Variants in UGGT2 observed in about 807,000 individuals in gnomAD.
UGGT2 encodes UDP-glucose:glycoprotein glucosyltransferase 2.
Under a neutral mutation model 192.1 loss-of-function variants are expected in UGGT2, and 180 were observed. The ratio of observed to expected loss-of-function variants is 0.94; its 90% confidence interval spans 0.83 to 1.06. The LOEUF (loss-of-function observed/expected upper bound fraction) is 1.06, where lower values mean the gene tolerates loss of function less well. UGGT2 is among the 50% of genes least tolerant of loss of function. UGGT2 has a pLI of 0.00. For synonymous variants in UGGT2, 580 were observed against 591.0 expected (o/e 0.98, Z 0.27); for missense variants, 1,849 against 1,795.7 (o/e 1.03, Z -0.54).
At chr13:95,924,049 C>CCAAAATTATTTGG (rs2048935292) in intron 20 of UGGT2, among the ~76,000 whole-genome samples, 2 of 152,120 alleles carry the variant, frequency 1.3e-5, no homozygotes, top group Non-Finnish European at 2.9e-5. Flanking sequence ...CAACAGATAG[C>CCAAAATTATTTGG]ATTTTGGGAT....
chr13:95,969,329 TCTA>T (rs1302531823), intron 12 of UGGT2, among the ~76,000 whole-genome samples: 1 of 152,182 alleles, frequency 6.6e-6, no homozygotes, highest in African/African-American at 2.4e-5. Context: ...ATCATTTTGC[TCTA>T]CTAAGCCATA....
chr13:95,867,875 T>A (rs1297848601), intron 29 of UGGT2, among the ~76,000 whole-genome samples: 1 of 152,204 alleles, frequency 6.6e-6, no homozygotes, highest in Non-Finnish European at 1.5e-5. Context: ...AAATTTGAAG[T>A]ACATTGTTAA....
At chr13:96,000,460 A>C (rs2051764498) in intron 5 of UGGT2, among the ~76,000 whole-genome samples, 1 of 152,218 alleles carries the variant, frequency 6.6e-6, no homozygotes, top group Non-Finnish European at 1.5e-5. Flanking sequence ...TTAATTTGCT[A>C]ATTTCTCAGG....
chr13:95,878,314 A>G lies in UGGT2; in HGVS notation c.3229-458T>C, dbSNP rs1235217600. On this transcript the variant is annotated intron_variant, in intron 27 of 38. Coordinates refer to ENST00000376747, the MANE Select transcript of UGGT2 (RefSeq NM_020121.4). The stretch of plus-strand genomic sequence containing the variant: ...TTTTTAAAGTTAATTTTAAAAAATA[A>G]AAATTCGTTTTCCACTTCCAAAGTG... 3.3e-5 allele frequency among the ~76,000 whole-genome samples: 5 copies of G among 152,310 alleles called. No homozygotes were observed. In the South Asian group the frequency reaches 8.3e-4, roughly 25 times the overall value.
At chr13:95,928,345 C>T (rs1252915123) in intron 17 of UGGT2, among the ~76,000 whole-genome samples, 4 of 151,828 alleles carry the variant, frequency 2.6e-5, no homozygotes, top group African/African-American at 9.7e-5. Context: ...AGGGCTGCCC[C>T]CCACCTCCCG....
intron 5 of UGGT2, among the ~76,000 whole-genome samples, chr13:96,002,456 A>G (rs145910253): frequency 6.6e-6 from 1 of 152,356 alleles, no homozygotes; most frequent in East Asian, 1.9e-4. Context: ...TTCTCTGAGA[A>G]TAAGGAATGT....
intron 20 of UGGT2, 21 bp downstream of exon 20, chr13:95,925,659 T>C: frequency 7.1e-7 from 1 of 1,417,454 alleles, no homozygotes; most frequent in South Asian, 1.6e-5. Flanking sequence ...AAATTGTTAG[T>C]AAGAATATCT....
intron 20 of UGGT2, among the ~76,000 whole-genome samples, chr13:95,924,385 CCAAA>C (rs1395132311): frequency 4.0e-5 from 4 of 100,114 alleles, no homozygotes; most frequent in Non-Finnish European, 4.5e-5. Context: ...GTAATAGATC[CCAAA>C]CAGCTTTTTT....
At chr13:95,813,573 A>C (rs941204334) in intron 38 of UGGT2, among the ~76,000 whole-genome samples, 3 of 152,184 alleles carry the variant, frequency 2.0e-5, no homozygotes, top group African/African-American at 7.2e-5. Flanking sequence ...GCAGGGTGTA[A>C]AAGTGGAAAA....
chr13:95,825,990 A>C lies in UGGT2; in HGVS notation c.4528+6937T>G, dbSNP rs1017944256. On this transcript the variant is annotated intron_variant, in intron 38 of 38. Coordinates refer to ENST00000376747, the MANE Select transcript of UGGT2 (RefSeq NM_020121.4). The stretch of plus-strand genomic sequence containing the variant: ...AGGGCCAAGTGGAGTTTATTCTAGG[A>C]ATACAAGGATGCTTCAATATTAGAA... Among the ~76,000 whole-genome samples the C allele has an allele frequency of 5.3e-5, 8 of 152,110 alleles. No individual in the cohort carries two copies. The East Asian group carries it at 1.5e-3, about 29-fold the overall frequency.
At chr13:96,045,838 G>A (rs749133571) in intron 1 of UGGT2, among the ~76,000 whole-genome samples, 24 of 152,090 alleles carry the variant, frequency 1.6e-4, no homozygotes, top group East Asian at 3.9e-4. Context: ...AATCATAGAC[G>A]ACACAAACAA....
chr13:95,986,339 T>G lies in UGGT2; in HGVS notation c.1025A>C (p.Lys342Thr), dbSNP rs761922592. The G allele has an allele frequency of 6.3e-7, 1 of 1,587,576 alleles. No individual in the cohort carries two copies. Among genetic ancestry groups the G allele is most frequent in the Non-Finnish European group, 8.6e-7 (1 of 1,158,178 alleles). Reference sequence around the variant, plus strand: ...CCTATAAACTTTAACATACCTGGCTTTTATGGGGAAGTTCTGTGAAATGTC... The same window carrying G: ...CCTATAAACTTTAACATACCTGGCTGTTATGGGGAAGTTCTGTGAAATGTC... ...MKDISQNFPIKARSLTRIAVN... is the reference protein window; with the variant it reads ...MKDISQNFPITARSLTRIAVN... The change falls in exon 9 of 39, where the codon AAA becomes ACA. Residue 342 changes from lysine to threonine, a missense_variant. Coordinates refer to ENST00000376747, the MANE Select transcript of UGGT2 (RefSeq NM_020121.4).
At chr13:95,929,532 TAAGA>T (rs1455180141) in intron 17 of UGGT2, among the ~76,000 whole-genome samples, 1 of 152,218 alleles carries the variant, frequency 6.6e-6, no homozygotes, top group East Asian at 1.9e-4. Flanking sequence ...CTCCCACTCA[TAAGA>T]GAGAACATGC....
intron 5 of UGGT2, among the ~76,000 whole-genome samples, chr13:96,012,268 G>A (rs978164959): frequency 9.9e-5 from 15 of 151,932 alleles, no homozygotes; most frequent in African/African-American, 2.7e-4. Flanking sequence ...TCTCTACCCC[G>A]TAGTATATTC....
chr13:95,867,563 C>A, intron 29 of UGGT2, 140 bp from the exon 30 acceptor site: 1 of 582,626 alleles, frequency 1.7e-6, no homozygotes, highest in Non-Finnish European at 2.9e-6. Context: ...TTTCTATAGT[C>A]AATTAAGATA....
chr13:95,974,193 C>T (rs924106979), intron 10 of UGGT2, among the ~76,000 whole-genome samples: 1 of 152,186 alleles, frequency 6.6e-6, no homozygotes, highest in South Asian at 2.1e-4. Flanking sequence ...AAAGATTAAA[C>T]CCTGATATGA....
chr13:95,903,408 A>G (rs2048169867), intron 20 of UGGT2, among the ~76,000 whole-genome samples: 1 of 152,188 alleles, frequency 6.6e-6, no homozygotes, highest in African/African-American at 2.4e-5. Flanking sequence ...CACTGCCAGC[A>G]ACTCCAAAAA....
chr13:95,893,013 C>T (rs1355328931), intron 24 of UGGT2, among the ~76,000 whole-genome samples: 5 of 152,114 alleles, frequency 3.3e-5, no homozygotes, highest in African/African-American at 9.7e-5. Context: ...ATGTCAAATC[C>T]ACAGAGTCTA....
At chr13:96,052,906 G>A (rs559847) in intron 1 of UGGT2, among the ~76,000 whole-genome samples, 148,570 of 152,346 alleles carry the variant, frequency 0.98, 72,573 homozygotes, top group East Asian at 1. Context: ...ATTAAAGCAG[G>A]GCAGGGAAGC....
Sources: allele counts gnomAD v4.1 joint callset (sites outside exome capture counted in the v4.1 genomes callset), GRCh38; gene constraint gnomAD v4.1.1; transcripts MANE v1.5; gene names NCBI Gene and HGNC (gene_info 2026-07-23, HGNC 2026-07-21).